Variants in AGBL4 observed in about 807,000 individuals in gnomAD.
AGBL4 encodes the protein AGBL carboxypeptidase 4, also known as cytosolic carboxypeptidase 6.
In AGBL4, 58 loss-of-function variants were observed where a neutral mutation model predicts 66.4. The ratio of observed to expected loss-of-function variants is 0.87; its 90% CI spans 0.71 to 1.09. AGBL4 has a LOEUF of 1.09. Ranked by LOEUF, AGBL4 falls within the 50% of genes least tolerant of loss-of-function variation. The pLI, the probability that AGBL4 is intolerant of heterozygous loss-of-function variation, is 0.00. For synonymous variants in AGBL4, 234 were observed against 222.9 expected (o/e 1.05, Z -0.44); for missense variants, 579 against 631.0 (o/e 0.92, Z 0.88).
chr1:49,534,171 CAAAA>C (rs71059553), intron 3 of AGBL4, among the ~76,000 whole-genome samples: 84 of 67,044 alleles, frequency 1.3e-3, no homozygotes, highest in African/African-American at 4.7e-3. Flanking sequence ...CACCATTTTA[CAAAA>C]AAAAAAAAAA....
At chr1:49,549,267 T>C (rs1159569911) in intron 3 of AGBL4, among the ~76,000 whole-genome samples, 1 of 151,980 alleles carries the variant, frequency 6.6e-6, no homozygotes, top group Non-Finnish European at 1.5e-5. Flanking sequence ...CTTTTTTTTT[T>C]TCAATTTCAT....
intron 3 of AGBL4, among the ~76,000 whole-genome samples, chr1:49,312,029 C>T (rs1293054170): frequency 6.6e-6 from 1 of 151,974 alleles, no homozygotes; most frequent in Non-Finnish European, 1.5e-5. Context: ...AACTTTTGAA[C>T]ATCAACAATA....
intron 4 of AGBL4, among the ~76,000 whole-genome samples, chr1:49,172,635 C>T (rs1176623772): frequency 6.6e-6 from 1 of 152,114 alleles, no homozygotes; most frequent in Non-Finnish European, 1.5e-5. Flanking sequence ...GATCCTATAC[C>T]ATGTTGTCCC....
intron 4 of AGBL4, among the ~76,000 whole-genome samples, chr1:49,207,602 C>CTTTCTTTCTTTCTTTCTTTCT (rs757148627): frequency 6.0e-5 from 5 of 83,602 alleles, no homozygotes; most frequent in African/African-American, 2.0e-4. Flanking sequence ...TTCTTTCTTT[C>CTTTCTTTCTTTCTTTCTTTCT]TTCTTTTTAT....
rs201157041 is a variant in AGBL4, at chr1:48,818,251, G to T, written c.634+48940C>A. On this transcript the variant is annotated intron_variant, in intron 6 of 13. Coordinates refer to ENST00000371839, the MANE Select transcript of AGBL4 (RefSeq NM_032785.4). ...CGTAAATTAGTTAATTACAAAGGCT[G>T]TAATTTGCAATCAATATTATCTCCG... 384 of 717,426 alleles carry T rather than the reference G, an allele frequency of 5.4e-4. 2 individuals are homozygous for T. In the Middle Eastern group the frequency reaches 5.5e-3, roughly 10 times the overall value. The allele number at this position is 717,426 out of a possible 1,614,324, so 44.4% of individuals were successfully genotyped here. A position where few individuals can be genotyped will look rare whatever the true frequency, so the allele number is the denominator to read the frequency against.
At chr1:49,497,786 C>A (rs563066588) in intron 3 of AGBL4, among the ~76,000 whole-genome samples, 1 of 152,056 alleles carries the variant, frequency 6.6e-6, no homozygotes, top group Admixed American at 6.6e-5. Flanking sequence ...ATTACTATAA[C>A]ACATTTTAAA....
chr1:49,915,542 C>G (rs889656279), intron 1 of AGBL4, among the ~76,000 whole-genome samples: 1 of 152,172 alleles, frequency 6.6e-6, no homozygotes, highest in Non-Finnish European at 1.5e-5. Flanking sequence ...GGGGAAGGGG[C>G]ACCCGCCATT....
intron 4 of AGBL4, among the ~76,000 whole-genome samples, chr1:49,160,992 C>T (rs771967167): frequency 2.6e-5 from 4 of 152,102 alleles, no homozygotes; most frequent in Admixed American, 6.5e-5. Flanking sequence ...TGGGCTCCCT[C>T]GGGGTGGGAG....
chr1:49,371,203 T>C (rs1427349183), intron 3 of AGBL4, among the ~76,000 whole-genome samples: 1 of 151,800 alleles, frequency 6.6e-6, no homozygotes, highest in Non-Finnish European at 1.5e-5. Flanking sequence ...TTTAGATAGA[T>C]AGATAGAAGA....
At chr1:49,817,531 G>A (rs1360162044) in intron 2 of AGBL4, among the ~76,000 whole-genome samples, 1 of 152,106 alleles carries the variant, frequency 6.6e-6, no homozygotes, top group Non-Finnish European at 1.5e-5. Flanking sequence ...TTATAACCCT[G>A]TGTTAAATAT....
intron 4 of AGBL4, among the ~76,000 whole-genome samples, chr1:49,110,824 A>G (rs115762000): frequency 1.3e-5 from 2 of 152,144 alleles, no homozygotes; most frequent in Non-Finnish European, 2.9e-5. Flanking sequence ...TGACAATTCA[A>G]TTCAGTCTAC....
intron 5 of AGBL4, among the ~76,000 whole-genome samples, chr1:48,930,480 AC>A (rs1490135099): frequency 6.6e-6 from 1 of 152,018 alleles, no homozygotes; most frequent in Non-Finnish European, 1.5e-5. Context: ...CACAATAGCA[AC>A]CTAGATAGCC....
At chr1:49,722,364 T>C (rs2124689652) in intron 2 of AGBL4, among the ~76,000 whole-genome samples, 1 of 152,288 alleles carries the variant, frequency 6.6e-6, no homozygotes, top group African/African-American at 2.4e-5. Flanking sequence ...GCCTTCAGGC[T>C]TCTTTAGCAT....
At chr1:48,730,052 G>C (rs1339293463) in intron 6 of AGBL4, among the ~76,000 whole-genome samples, 1 of 152,102 alleles carries the variant, frequency 6.6e-6, no homozygotes, top group African/African-American at 2.4e-5. Flanking sequence ...TCCAGATTCA[G>C]CTTTCTTGAA....
At chr1:49,499,935 T>C (rs1458098533) in intron 3 of AGBL4, among the ~76,000 whole-genome samples, 1 of 152,022 alleles carries the variant, frequency 6.6e-6, no homozygotes, top group Non-Finnish European at 1.5e-5. Context: ...TTTTCATTCT[T>C]TAAAGAATCC....
At chr1:48,784,621 T>C (rs1645369359) in intron 6 of AGBL4, among the ~76,000 whole-genome samples, 1 of 152,220 alleles carries the variant, frequency 6.6e-6, no homozygotes, top group East Asian at 1.9e-4. Context: ...ATGCATTATA[T>C]AAAATGTAAA....
intron 6 of AGBL4, among the ~76,000 whole-genome samples, chr1:48,861,459 C>A (rs961493920): frequency 2.6e-5 from 4 of 152,200 alleles, no homozygotes; most frequent in Admixed American, 6.5e-5. Context: ...CTAGACCCAA[C>A]AAAGTGAAAA....
At chr1:49,985,204 C>T (rs1362660316) in intron 1 of AGBL4, among the ~76,000 whole-genome samples, 1 of 152,060 alleles carries the variant, frequency 6.6e-6, no homozygotes, top group Non-Finnish European at 1.5e-5. Flanking sequence ...CCCACATTCC[C>T]TCTTGTAAAA....
Position 48,664,322 on chromosome 1 carries a change from G to A in AGBL4, c.635-1081C>T, listed in dbSNP as rs545392470. ...CATGATGTCAGGAAAAAATGATCAAGGAGCTGTGAACTGCACAGTCCTTAG... is the reference window on the plus strand; with the variant it reads ...CATGATGTCAGGAAAAAATGATCAAAGAGCTGTGAACTGCACAGTCCTTAG... On this transcript the variant is annotated intron_variant, in intron 6 of 13. Transcript: ENST00000371839. 1.4e-4 allele frequency among the ~76,000 whole-genome samples: 21 copies of A among 152,288 alleles called. 1 individual carries two copies. The East Asian group carries it at 3.9e-3, about 28-fold the overall frequency.
Sources: allele counts gnomAD v4.1 joint callset (sites outside exome capture counted in the v4.1 genomes callset), GRCh38; gene constraint gnomAD v4.1.1; transcripts MANE v1.5; gene names NCBI Gene and HGNC (gene_info 2026-07-23, HGNC 2026-07-21).